The following GRM7 variants were observed in gnomAD, a reference collection of about 807,000 sequenced individuals.
The protein encoded by GRM7 is metabotropic glutamate receptor 7.
A neutral mutation model predicts 84.5 loss-of-function variants in GRM7; 35 were observed. The observed-to-expected ratio is 0.41, with a 90% CI of 0.32 to 0.55. The LOEUF (loss-of-function observed/expected upper bound fraction) is 0.55. Ranked by LOEUF, GRM7 falls within the 20% of genes least tolerant of loss-of-function variation. GRM7 has a pLI of 0.19. For synonymous variants in GRM7, 487 were observed against 455.1 expected, an observed-to-expected ratio of 1.07 and a Z score of -0.89; for missense variants, 1,003 against 1,194.6, an observed-to-expected ratio of 0.84 and a Z score of 2.36.
At chr3:7,682,536 T>G (rs1700418778) in intron 9 of GRM7, among the ~76,000 whole-genome samples, 1 of 137,434 alleles carries the variant, frequency 7.3e-6, no homozygotes, top group Non-Finnish European at 1.5e-5. Flanking sequence ...AGCTTTATTT[T>G]TGTACACACA....
intron 7 of GRM7, among the ~76,000 whole-genome samples, chr3:7,468,536 A>G (rs1285290095): frequency 6.6e-6 from 1 of 152,212 alleles, no homozygotes; most frequent in African/African-American, 2.4e-5. Flanking sequence ...AATGTTCAGC[A>G]AATGTTAGCC....
chr3:6,866,763 G>T (rs992853955), intron 1 of GRM7, among the ~76,000 whole-genome samples: 1 of 152,186 alleles, frequency 6.6e-6, no homozygotes, highest in African/African-American at 2.4e-5. Context: ...ACTGAGAAAT[G>T]ATGACATCCT....
intron 8 of GRM7, among the ~76,000 whole-genome samples, chr3:7,644,497 A>T (rs1044693373): frequency 5.3e-5 from 8 of 152,132 alleles, no homozygotes; most frequent in African/African-American, 1.9e-4. Flanking sequence ...TATTCTGTCA[A>T]GTTACTTAAA....
At chr3:7,473,628 A>G (rs940051807) in intron 7 of GRM7, among the ~76,000 whole-genome samples, 1 of 152,054 alleles carries the variant, frequency 6.6e-6, no homozygotes, top group Non-Finnish European at 1.5e-5. Flanking sequence ...ACTTCTTTCA[A>G]TGAGGGAAGT....
chr3:7,357,498 T>C (rs937084820), intron 4 of GRM7, among the ~76,000 whole-genome samples: 3 of 152,114 alleles, frequency 2.0e-5, no homozygotes, highest in Non-Finnish European at 2.9e-5. Context: ...ACATATTTTT[T>C]CCTCTAGGTT....
intron 7 of GRM7, among the ~76,000 whole-genome samples, chr3:7,473,491 AG>A (rs1698791826): frequency 7.8e-5 from 4 of 51,060 alleles, no homozygotes; most frequent in Middle Eastern, 9.3e-3. Flanking sequence ...AACGAGAGGG[AG>A]AGAGAGAGAG....
intron 8 of GRM7, among the ~76,000 whole-genome samples, chr3:7,601,065 T>C (rs1379700298): frequency 6.6e-6 from 1 of 152,172 alleles, no homozygotes; most frequent in African/African-American, 2.4e-5. Flanking sequence ...CAGATTCCCA[T>C]CACATTATGC....
chr3:7,255,985 C>T (rs1698181660), intron 2 of GRM7, among the ~76,000 whole-genome samples: 1 of 152,186 alleles, frequency 6.6e-6, no homozygotes, highest in Non-Finnish European at 1.5e-5. Context: ...ACATGCCTTT[C>T]ACCAGCCCAC....
intron 8 of GRM7, among the ~76,000 whole-genome samples, chr3:7,661,941 T>C (rs561253777): frequency 4.0e-5 from 6 of 151,784 alleles, no homozygotes; most frequent in African/African-American, 1.2e-4. Context: ...ATGAAAAATA[T>C]GTATATAGTC....
intron 1 of GRM7, among the ~76,000 whole-genome samples, chr3:6,881,963 G>A (rs1369313748): frequency 1.3e-5 from 2 of 150,682 alleles, no homozygotes; most frequent in East Asian, 3.9e-4. Flanking sequence ...GTATTAGTAT[G>A]AGCTGAAACT....
chr3:7,554,000 A>T (rs2125028788), intron 7 of GRM7, among the ~76,000 whole-genome samples: 1 of 152,306 alleles, frequency 6.6e-6, no homozygotes, highest in East Asian at 1.9e-4. Flanking sequence ...GGGTAGCTCC[A>T]TAGGGCAGGG....
At chr3:6,880,065 C>T (rs1050881494) in intron 1 of GRM7, among the ~76,000 whole-genome samples, 12 of 152,124 alleles carry the variant, frequency 7.9e-5, no homozygotes, top group African/African-American at 2.7e-4. Context: ...ACTTAGATCT[C>T]GTTAGCTAGG....
intron 2 of GRM7, among the ~76,000 whole-genome samples, chr3:7,250,845 T>C (rs998936498): frequency 6.6e-6 from 1 of 152,172 alleles, no homozygotes; most frequent in African/African-American, 2.4e-5. Flanking sequence ...TATTTTTTAA[T>C]GGCCAACTGG....
intron 1 of GRM7, among the ~76,000 whole-genome samples, chr3:6,994,825 G>C (rs1694776362): frequency 6.6e-6 from 1 of 152,156 alleles, no homozygotes; most frequent in Admixed American, 6.5e-5. Flanking sequence ...AGTCTTTCAT[G>C]GTGAACTTGT....
chr3:7,195,160 G>T (rs537046513), intron 2 of GRM7, among the ~76,000 whole-genome samples: 1 of 152,246 alleles, frequency 6.6e-6, no homozygotes, highest in South Asian at 2.1e-4. Context: ...TATTGTTCAT[G>T]CTATTTTTAA....
intron 4 of GRM7, among the ~76,000 whole-genome samples, chr3:7,397,611 A>G (rs917806168): frequency 4.4e-4 from 67 of 152,156 alleles, no homozygotes; most frequent in African/African-American, 1.5e-3. Flanking sequence ...GCACACTCCA[A>G]TTACCCTAAT....
chr3:7,412,354 CT>C lies in GRM7; in HGVS notation c.1034-2668del, dbSNP rs151125712. Among the ~76,000 whole-genome samples the C allele has an allele frequency of 9.1e-3, 1,391 of 152,306 alleles. 5 individuals are homozygous for C. Among genetic ancestry groups the C allele is most frequent in the South Asian group, 0.019 (94 of 4,830 alleles). On this transcript the variant is annotated intron_variant, in intron 4 of 9. Coordinates refer to ENST00000357716, the MANE Select transcript of GRM7 (RefSeq NM_000844.4). ...AGGAAGCGCCATCAATATCTGTTAG[CT>C]CCCATTATCCTGGCAGAGCAGACAG... is the stretch of plus-strand genomic sequence containing the variant.
intron 9 of GRM7, among the ~76,000 whole-genome samples, chr3:7,715,211 A>G (rs1338381389): frequency 6.6e-6 from 1 of 152,158 alleles, no homozygotes. Flanking sequence ...TGCAATCCCA[A>G]TACTTCAGGG....
Position 7,381,549 on chromosome 3 carries a change from A to G in GRM7, c.1034-33474A>G, listed in dbSNP as rs142317776. Among the ~76,000 whole-genome samples the G allele has an allele frequency of 8.0e-4, 121 of 152,194 alleles. 1 individual carries two copies. Among genetic ancestry groups the G allele is most frequent in the African/African-American group, 2.8e-3 (118 of 41,516 alleles). On this transcript the variant is annotated intron_variant, in intron 4 of 9. Coordinates refer to ENST00000357716, the MANE Select transcript of GRM7 (RefSeq NM_000844.4). The stretch of plus-strand genomic sequence containing the variant: ...GTTTTCTAGAAAAAAGCAAAATATG[A>G]TACATCAGTTGGTTCTATGAAAAGA...
Sources: allele counts gnomAD v4.1 joint callset (sites outside exome capture counted in the v4.1 genomes callset), GRCh38; gene constraint gnomAD v4.1.1; transcripts MANE v1.5; gene names NCBI Gene and HGNC (gene_info 2026-07-23, HGNC 2026-07-21).